ALG6: variants seen among roughly 807,000 people sequenced by gnomAD.
The protein encoded by ALG6 is dolichyl pyrophosphate Man9GlcNAc2 alpha-1,3-glucosyltransferase.
ALG6 carries 46 observed loss-of-function variants against 66.6 expected under a neutral mutation model. The ratio of observed to expected loss-of-function variants is 0.69; its 90% confidence interval spans 0.55 to 0.88. The LOEUF is 0.88. Ranked by LOEUF, ALG6 falls within the 40% of genes least tolerant of loss-of-function variation. The pLI is 0.00. For synonymous variants in ALG6, 185 were observed against 203.7 expected (o/e 0.91, Z 0.78); for missense variants, 505 against 586.8 (o/e 0.86, Z 1.44).
At chr1:63,381,426 C>T (rs1648302876) in intron 2 of ALG6, among the ~76,000 whole-genome samples, 1 of 152,152 alleles carries the variant, frequency 6.6e-6, no homozygotes, top group African/African-American at 2.4e-5. Context: ...TGCACTCCAG[C>T]CTGGGCGACA....
chr1:63,428,913 A>C lies in ALG6; in HGVS notation c.1128-15A>C, dbSNP rs1453237491. On this transcript the variant is annotated splice_polypyrimidine_tract_variant and intron_variant, in intron 13 of 14. Transcript: ENST00000263440. ...TGATAATTCTCTTGTGATTTTTAAA[A>C]ATTTTCCTTTACAGTATGCTACCTC... 6.2e-7 allele frequency: 1 copy of C among 1,611,218 alleles called. No homozygotes were observed. The highest frequency in any genetic ancestry group is 1.3e-5 in the African/African-American group (1 of 74,826).
intron 2 of ALG6, among the ~76,000 whole-genome samples, chr1:63,377,284 T>G (rs1648164859): frequency 6.6e-6 from 1 of 152,210 alleles, no homozygotes; most frequent in Non-Finnish European, 1.5e-5. Context: ...TCACTGTTGC[T>G]TCCCTGTTTG....
chr1:63,372,729 G>A (rs937403009), intron 2 of ALG6, among the ~76,000 whole-genome samples: 2 of 151,956 alleles, frequency 1.3e-5, no homozygotes, highest in Admixed American at 6.6e-5. Flanking sequence ...GCGCAATCTT[G>A]GCTCACTGTA....
chr1:63,372,322 CAATAAT>C (rs1647954927), intron 2 of ALG6, among the ~76,000 whole-genome samples: 1 of 151,920 alleles, frequency 6.6e-6, no homozygotes, highest in South Asian at 2.1e-4. Context: ...AAAAATGAGA[CAATAAT>C]ATTAATAGTT....
intron 12 of ALG6, among the ~76,000 whole-genome samples, chr1:63,423,442 C>T (rs945692037): frequency 4.6e-5 from 7 of 152,134 alleles, no homozygotes; most frequent in Admixed American, 4.6e-4. Flanking sequence ...CAAGCATCAC[C>T]ACTATCTACC....
At chr1:63,430,626 T>G (rs1430944444) in intron 14 of ALG6, among the ~76,000 whole-genome samples, 1 of 152,236 alleles carries the variant, frequency 6.6e-6, no homozygotes, top group Non-Finnish European at 1.5e-5. Context: ...AGTGCTGACT[T>G]GCATTTCCCT....
chr1:63,372,517 A>G (rs1046767213), intron 2 of ALG6, among the ~76,000 whole-genome samples: 17 of 146,462 alleles, frequency 1.2e-4, no homozygotes, highest in Non-Finnish European at 2.1e-4. Flanking sequence ...GCATACCTAT[A>G]TATGTGTGTG....
chr1:63,371,225 GGA>G (rs1411327978), intron 2 of ALG6, 166 bp downstream of exon 2: 1 of 608,358 alleles, frequency 1.6e-6, no homozygotes, highest in Admixed American at 2.9e-5. Context: ...GAAAGAATAT[GGA>G]TAACAGCTAA....
chr1:63,406,288 T>G, intron 5 of ALG6, 29 bp from the exon 6 acceptor site: 1 of 1,587,886 alleles, frequency 6.3e-7, no homozygotes, highest in Admixed American at 1.7e-5. Flanking sequence ...GATGGACTCA[T>G]GTTTAAAGTT....
chr1:63,396,864 C>T (rs1420659283), intron 3 of ALG6, among the ~76,000 whole-genome samples: 2 of 152,184 alleles, frequency 1.3e-5, no homozygotes, highest in South Asian at 2.1e-4. Flanking sequence ...GTCCTCTGTA[C>T]ATAAACTATG....
At chr1:63,416,301 G>T (rs1644545798) in intron 11 of ALG6, among the ~76,000 whole-genome samples, 1 of 152,086 alleles carries the variant, frequency 6.6e-6, no homozygotes, top group Non-Finnish European at 1.5e-5. Flanking sequence ...GATGGTGTGG[G>T]AAAGGGAGAT....
At chr1:63,382,044 G>A (rs1278875306) in intron 2 of ALG6, among the ~76,000 whole-genome samples, 1 of 151,858 alleles carries the variant, frequency 6.6e-6, no homozygotes, top group African/African-American at 2.4e-5. Flanking sequence ...ATCTCAGCTT[G>A]TACCACTGCT....
At chr1:63,434,556 C>T (rs1012374860) in intron 14 of ALG6, among the ~76,000 whole-genome samples, 5 of 152,196 alleles carry the variant, frequency 3.3e-5, no homozygotes, top group Non-Finnish European at 5.9e-5. Flanking sequence ...CTGAAGCTGG[C>T]TTTGAATGCA....
At chr1:63,381,109 C>G (rs1648285068) in intron 2 of ALG6, among the ~76,000 whole-genome samples, 1 of 151,732 alleles carries the variant, frequency 6.6e-6, no homozygotes, top group Non-Finnish European at 1.5e-5. Context: ...TGCTTGAGCC[C>G]AAAAGTTTGA....
rs12085713 is a variant in ALG6, at chr1:63,433,221, G to A, written c.1327-3602G>A. The stretch of plus-strand genomic sequence containing the variant: ...CTCCCAAAGTGCTGGGATTACAGGC[G>A]TGAGCTACCGCGCCCAGCCCAACAG... On this transcript the variant is annotated intron_variant, in intron 14 of 14. Transcript: ENST00000263440. This position sits in a 1 kb window ranked among gnomAD's most constrained non-coding sequence, Gnocchi z 4.2. Among the ~76,000 whole-genome samples, 40,509 of 152,104 alleles carry A rather than the reference G, an allele frequency of 0.27. 7,479 individuals are homozygous for A. Among genetic ancestry groups the A allele is most frequent in the African/African-American group, 0.53 (21,962 of 41,430 alleles).
intron 9 of ALG6, among the ~76,000 whole-genome samples, chr1:63,412,963 C>G (rs1161862454): frequency 6.6e-6 from 1 of 152,104 alleles, no homozygotes. Context: ...TTGAAAGCGA[C>G]TAAGATGGGA....
intron 11 of ALG6, among the ~76,000 whole-genome samples, chr1:63,419,069 G>A (rs943859667): frequency 6.6e-6 from 1 of 152,026 alleles, no homozygotes; most frequent in Non-Finnish European, 1.5e-5. Context: ...AGATTCCAGG[G>A]GAGGATGAAT....
At chr1:63,416,216 G>A (rs1041708838) in intron 11 of ALG6, among the ~76,000 whole-genome samples, 8 of 152,094 alleles carry the variant, frequency 5.3e-5, no homozygotes, top group Admixed American at 3.9e-4. Context: ...CAGTGGCAAT[G>A]AACTTAAGTA....
intron 10 of ALG6, among the ~76,000 whole-genome samples, chr1:63,415,393 C>T (rs1438076329): frequency 6.6e-6 from 1 of 152,138 alleles, no homozygotes; most frequent in Admixed American, 6.6e-5. Context: ...GCTCCCTTTC[C>T]ACCTTGTTCT....
Sources: allele counts gnomAD v4.1 joint callset (sites outside exome capture counted in the v4.1 genomes callset), GRCh38; gene constraint gnomAD v4.1.1; non-coding constraint Gnocchi (gnomAD v3.1); transcripts MANE v1.5; gene names NCBI Gene and HGNC (gene_info 2026-07-23, HGNC 2026-07-21).